The following RAB10 variants were observed in gnomAD, a reference collection of about 807,000 sequenced individuals.
RAB10 encodes ras-related protein Rab-10.
A neutral mutation model predicts 25.7 loss-of-function variants in RAB10; 5 were observed. That is an observed-to-expected ratio of 0.19 (90% CI 0.10 to 0.41). RAB10 has a LOEUF of 0.41. Ranked by LOEUF, RAB10 falls within the 10% of genes least tolerant of loss-of-function variation. The pLI, the probability that RAB10 is intolerant of heterozygous loss-of-function variation, is 1.00. For missense variants in RAB10, 103 were observed against 245.8 expected, an observed-to-expected ratio of 0.42 and a Z score of 3.89; for synonymous variants, 89 against 86.4, an observed-to-expected ratio of 1.03 and a Z score of -0.16.
chr2:26,106,678 G>A (rs1667469314), intron 2 of RAB10, among the ~76,000 whole-genome samples: 1 of 151,962 alleles, frequency 6.6e-6, no homozygotes, highest in Non-Finnish European at 1.5e-5. Context: ...CTGAGGTCAG[G>A]AGTTTGAGAT....
rs1459092933 is a variant in RAB10, at chr2:26,036,295, A to G, written c.127+1560A>G. ...ATAGTGTGGAAGATGCTACAATAGT[A>G]AGCACAGGGAGGAAGAGTGGCTAGT... On this transcript the variant is annotated intron_variant, in intron 1 of 5. Transcript: ENST00000264710. Among the ~76,000 whole-genome samples, 4 of 152,198 alleles carry G rather than the reference A, an allele frequency of 2.6e-5. No homozygotes were observed. In the South Asian group the frequency reaches 8.3e-4, roughly 31 times the overall value.
At chr2:26,118,438 C>T (rs1462142459) in intron 3 of RAB10, among the ~76,000 whole-genome samples, 4 of 98,000 alleles carry the variant, frequency 4.1e-5, no homozygotes, top group Non-Finnish European at 6.1e-5. Context: ...AAACAAAGGC[C>T]GGGGGTGGGG....
intron 1 of RAB10, among the ~76,000 whole-genome samples, chr2:26,038,890 A>G (rs1042080989): frequency 2.8e-5 from 4 of 144,738 alleles, no homozygotes. Context: ...GCACTACTGC[A>G]CTTCAGCCTG....
intron 3 of RAB10, among the ~76,000 whole-genome samples, chr2:26,116,714 A>G (rs993007673): frequency 6.6e-6 from 1 of 151,426 alleles, no homozygotes; most frequent in Non-Finnish European, 1.5e-5. Flanking sequence ...CCGCCACCGC[A>G]CCCAGCTAAT....
intron 1 of RAB10, among the ~76,000 whole-genome samples, chr2:26,057,765 A>G (rs1048716254): frequency 6.6e-6 from 1 of 152,102 alleles, no homozygotes; most frequent in Non-Finnish European, 1.5e-5. Flanking sequence ...TGGGATTTAC[A>G]TGCAGGCGCA....
intron 1 of RAB10, among the ~76,000 whole-genome samples, chr2:26,092,414 T>A (rs769699234): frequency 2.5e-4 from 38 of 151,782 alleles, no homozygotes; most frequent in Non-Finnish European, 2.9e-4. Context: ...CACATATAGG[T>A]AACTTCGAAG....
Position 26,034,409 on chromosome 2 carries a change from C to T in RAB10, c.-200C>T. The T allele has an allele frequency of 4.5e-6, 3 of 671,798 alleles. No homozygotes were observed. Among genetic ancestry groups the T allele is most frequent in the East Asian group, 2.7e-5 (1 of 36,544 alleles). 41.6% of individuals were successfully genotyped at this position (671,798 alleles called of 1,614,324 possible). On this transcript the variant is annotated 5_prime_UTR_variant, in exon 1 of 6. Transcript: ENST00000264710. Reference sequence around the variant, plus strand: ...CTGGGAGAGGCTGCGGAGCCGCGGTCGCCGCCCTCGGAGGCACTGGACGCC... The same window carrying T: ...CTGGGAGAGGCTGCGGAGCCGCGGTTGCCGCCCTCGGAGGCACTGGACGCC...
At chr2:26,080,995 A>T (rs1666857525) in intron 1 of RAB10, among the ~76,000 whole-genome samples, 1 of 152,160 alleles carries the variant, frequency 6.6e-6, no homozygotes, top group African/African-American at 2.4e-5. Flanking sequence ...ACAGTCCCAC[A>T]TGTTGTGGGA....
Position 26,078,021 on chromosome 2 carries a change from T to C in RAB10, c.128-20641T>C, listed in dbSNP as rs528419244. 1.1e-4 allele frequency among the ~76,000 whole-genome samples: 16 copies of C among 152,090 alleles called. No individual in the cohort carries two copies. The South Asian group carries it at 2.9e-3, about 28-fold the overall frequency. On this transcript the variant is annotated intron_variant, in intron 1 of 5. Coordinates refer to ENST00000264710, the MANE Select transcript of RAB10 (RefSeq NM_016131.5). ...AAGGTAAAGGTCTGTAGATGAGATA[T>C]ACAAAAATCAGCTGTACACTAGCAG...
intron 3 of RAB10, 43 bp downstream of exon 3, chr2:26,109,949 T>A: frequency 5.4e-6 from 8 of 1,486,062 alleles, no homozygotes; most frequent in Non-Finnish European, 7.2e-6. Flanking sequence ...AACACACATT[T>A]GTGTGCTTGG....
chr2:26,130,078 G>A (rs1214237183), intron 5 of RAB10, among the ~76,000 whole-genome samples: 1 of 152,122 alleles, frequency 6.6e-6, no homozygotes, highest in East Asian at 1.9e-4. Context: ...GGATCATAGG[G>A]CAGATTCATT....
At position 26,069,175 on chromosome 2, in the gene RAB10, G is replaced by T. The variant is rs558822423; in HGVS notation, c.128-29487G>T. Among the ~76,000 whole-genome samples, 65 of 152,286 alleles carry T rather than the reference G, an allele frequency of 4.3e-4. 1 individual carries two copies. Among genetic ancestry groups the T allele is most frequent in the Middle Eastern group, 3.4e-3 (1 of 294 alleles). On this transcript the variant is annotated intron_variant, in intron 1 of 5. Coordinates refer to ENST00000264710, the MANE Select transcript of RAB10 (RefSeq NM_016131.5). ...TGGTAAGGTGGTTTTCATTTCTGCA[G>T]TAGAACCATGGTTGAGGCTAATGGT...
At chr2:26,062,073 A>G (rs1654220182) in intron 1 of RAB10, among the ~76,000 whole-genome samples, 1 of 152,088 alleles carries the variant, frequency 6.6e-6, no homozygotes, top group South Asian at 2.1e-4. Flanking sequence ...GTTCAGAATA[A>G]ATTTTTTTTG....
At chr2:26,088,614 C>A (rs1667035323) in intron 1 of RAB10, among the ~76,000 whole-genome samples, 1 of 151,856 alleles carries the variant, frequency 6.6e-6, no homozygotes, top group African/African-American at 2.4e-5. Flanking sequence ...TTTAACTTGT[C>A]CCCCCACCAA....
chr2:26,079,354 C>CTA (rs1324298778), intron 1 of RAB10, among the ~76,000 whole-genome samples: 13 of 149,346 alleles, frequency 8.7e-5, no homozygotes, highest in South Asian at 4.2e-4. Context: ...CACACACACA[C>CTA]TATATACACA....
chr2:26,073,152 A>T (rs1440130635), intron 1 of RAB10, among the ~76,000 whole-genome samples: 3 of 152,220 alleles, frequency 2.0e-5, no homozygotes, highest in African/African-American at 7.2e-5. Flanking sequence ...GAAAAACAGG[A>T]ACCACTTCAG....
intron 1 of RAB10, among the ~76,000 whole-genome samples, chr2:26,068,575 G>T (rs1666558629): frequency 6.6e-6 from 1 of 151,928 alleles, no homozygotes; most frequent in African/African-American, 2.4e-5. Context: ...GATCTTTTTA[G>T]TGCCAAATAC....
At chr2:26,042,060 G>A (rs928160959) in intron 1 of RAB10, among the ~76,000 whole-genome samples, 3 of 152,162 alleles carry the variant, frequency 2.0e-5, no homozygotes, top group African/African-American at 7.2e-5. Context: ...AGTGATGTGG[G>A]AATTACATGG....
rs75478255 is a variant in RAB10 at position 26,090,159 on chromosome 2, T to C, written c.128-8503T>C. Among the ~76,000 whole-genome samples the C allele has an allele frequency of 1.4e-3, 220 of 152,324 alleles. 5 individuals carry two copies. The East Asian group carries it at 0.039, about 27-fold the overall frequency. ...CCTCTTTGTTGGTTTGGTAAAGCAA[T>C]TTCTTAGTGCTATCTTAGAAAGGAT... On this transcript the variant is annotated intron_variant, in intron 1 of 5. Transcript: ENST00000264710.
Sources: allele counts gnomAD v4.1 joint callset (sites outside exome capture counted in the v4.1 genomes callset), GRCh38; gene constraint gnomAD v4.1.1; transcripts MANE v1.5; gene names NCBI Gene and HGNC (gene_info 2026-07-23, HGNC 2026-07-21).